The following TP53BP1 variants were observed in gnomAD, a reference collection of about 807,000 sequenced individuals.
TP53BP1 encodes tumor protein p53 binding protein 1.
TP53BP1 carries 61 observed loss-of-function variants against 200.8 expected under a neutral mutation model. That is an observed-to-expected ratio of 0.30 (90% CI 0.25 to 0.38). TP53BP1 has a LOEUF of 0.38. Ranked by LOEUF, TP53BP1 falls within the 10% of genes least tolerant of loss-of-function variation. TP53BP1 has a pLI of 1.00. For synonymous variants in TP53BP1, 822 were observed against 844.3 expected (o/e 0.97, Z 0.46); for missense variants, 2,144 against 2,371.9 (o/e 0.90, Z 2.00).
Position 43,427,489 on chromosome 15 carries a change from A to G in TP53BP1, c.3828+527T>C, listed in dbSNP as rs77511768. On this transcript the variant is annotated intron_variant, in intron 18 of 27. Transcript: ENST00000382044. The stretch of plus-strand genomic sequence containing the variant: ...AAAGGAAAGCATGATGGGATGCATT[A>G]AATAACTAACCAATGGTCAAACAGC... Among the ~76,000 whole-genome samples the G allele has an allele frequency of 7.2e-5, 11 of 152,372 alleles. No individual in the cohort carries two copies. In the East Asian group the frequency reaches 1.7e-3, roughly 24 times the overall value.
intron 15 of TP53BP1, among the ~76,000 whole-genome samples, chr15:43,439,221 G>A (rs2045872592): frequency 6.6e-6 from 1 of 152,104 alleles, no homozygotes; most frequent in African/African-American, 2.4e-5. Context: ...TTTGAACAGA[G>A]TACAGTTACA....
chr15:43,487,323 T>A (rs2079059888), intron 4 of TP53BP1, among the ~76,000 whole-genome samples: 1 of 98,352 alleles, frequency 1.0e-5, no homozygotes, highest in Non-Finnish European at 2.9e-5. Flanking sequence ...CAAATGCCAG[T>A]AAGGATGAAA....
At chr15:43,509,758 C>G (rs1363546835) in intron 1 of TP53BP1, among the ~76,000 whole-genome samples, 1 of 152,124 alleles carries the variant, frequency 6.6e-6, no homozygotes, top group African/African-American at 2.4e-5. Flanking sequence ...ACGTGGCTCA[C>G]AGGCAGCCTT....
Position 43,457,174 on chromosome 15 carries a change from A to G in TP53BP1, c.1434T>C (p.Asp478=). ...TATGCATATCTCCATCTTTCTTCCC[A>G]TCATTTGATTGTTCTTCCAGACTTG... The part of the protein sequence containing the change: ...PSPSLEEQSN[D]GKKDGDMHSS... Residue 478 remains aspartate (D), a synonymous_variant, in exon 12 of 28, where the codon GAT becomes GAC. Transcript: ENST00000382044. The G allele has an allele frequency of 6.2e-7, 1 of 1,612,644 alleles. No homozygotes were observed. Among genetic ancestry groups the G allele is most frequent in the Non-Finnish European group, 8.5e-7 (1 of 1,179,478 alleles).
intron 12 of TP53BP1, 90 bp from the exon 13 acceptor site, chr15:43,447,575 G>GC: frequency 1.7e-6 from 2 of 1,184,732 alleles, no homozygotes; most frequent in Non-Finnish European, 2.3e-6. Context: ...AATAAGAACT[G>GC]CAAGAAATAT....
chr15:43,443,573 T>C (rs2045976331), intron 14 of TP53BP1, among the ~76,000 whole-genome samples: 1 of 152,132 alleles, frequency 6.6e-6, no homozygotes, highest in Non-Finnish European at 1.5e-5. Context: ...GGCGTGCCTG[T>C]AGTCCCACCT....
In TP53BP1 at chr15:43,432,369, C is replaced by T. The variant is rs890601378; in HGVS notation, c.3500G>A (p.Arg1167Lys). The T allele has an allele frequency of 1.9e-6, 3 of 1,614,076 alleles. No individual in the cohort carries two copies. Among genetic ancestry groups the T allele is most frequent in the Non-Finnish European group, 2.5e-6 (3 of 1,180,028 alleles). ...IGIQTMECSL[R>K]VPETVSAATQ... ...TGCTGCTGAAACAGTTTCTGGGACC[C>T]TCAAGGAACACTCCATGGTTTGGAT... Residue 1167 changes from arginine to lysine, a missense_variant, in exon 17 of 28, where the codon AGG becomes AAG. Arg to Lys is a conservative substitution (Grantham distance 26). Transcript: ENST00000382044.
intron 24 of TP53BP1, chr15:43,412,572 A>G (rs1329471959): frequency 1.6e-5 from 7 of 425,760 alleles, no homozygotes; most frequent in East Asian, 7.1e-5. Flanking sequence ...AAAGAGAGGT[A>G]TAAGAGTTGA....
rs1013978726 is a variant in TP53BP1 at position 43,404,685 on chromosome 15, T to C, written c.*2698A>G. On this transcript the variant is annotated 3_prime_UTR_variant, in exon 28 of 28. Coordinates refer to ENST00000382044, the MANE Select transcript of TP53BP1 (RefSeq NM_001141980.3). ...TAAGTAAGGCTTAGAGATAGAGGTG[T>C]GACCATCTTTAATAATTTTAATGGA... 3.2e-6 allele frequency: 3 copies of C among 931,936 alleles called. No individual in the cohort carries two copies. The Admixed American group carries it at 8.1e-5, about 25-fold the overall frequency. 57.7% of individuals were successfully genotyped at this position (931,936 alleles called of 1,614,324 possible).
At chr15:43,438,759 C>T (rs992845078) in intron 15 of TP53BP1, among the ~76,000 whole-genome samples, 1 of 62,838 alleles carries the variant, frequency 1.6e-5, no homozygotes, top group Non-Finnish European at 2.6e-5. Context: ...AAAAAAAAGA[C>T]TGGAGGGGTA....
At chr15:43,476,546 C>A (rs2078885035) in intron 8 of TP53BP1, among the ~76,000 whole-genome samples, 1 of 152,218 alleles carries the variant, frequency 6.6e-6, no homozygotes, top group African/African-American at 2.4e-5. Flanking sequence ...TATGAAGAGT[C>A]TCTTGTTGGT....
intron 26 of TP53BP1, chr15:43,408,437 C>T (rs913368937): frequency 1.5e-5 from 4 of 272,002 alleles, no homozygotes; most frequent in Admixed American, 9.8e-5. Context: ...GTCGTCACTG[C>T]GCCACTGTAC....
At position 43,403,277 on chromosome 15, in the gene TP53BP1, G is replaced by A. The variant is rs2044733471; in HGVS notation, c.*4106C>T. On this transcript the variant is annotated 3_prime_UTR_variant, in exon 28 of 28. Transcript: ENST00000382044. ...GATAATAAAGAAGCAAGAAACGAGG[G>A]TTCACTAAAGGCTATAGTGGGGAAG... The A allele has an allele frequency of 6.2e-6, 1 of 160,032 alleles. No homozygotes were observed. The highest frequency in any genetic ancestry group is 1.4e-5 in the Non-Finnish European group (1 of 73,244). 9.9% of individuals were successfully genotyped at this position (160,032 alleles called of 1,614,324 possible).
intron 4 of TP53BP1, among the ~76,000 whole-genome samples, chr15:43,488,203 A>G (rs2079072532): frequency 6.6e-6 from 1 of 151,412 alleles, no homozygotes; most frequent in African/African-American, 2.4e-5. Context: ...CGAGGCTGAG[A>G]TGGGAGGATT....
chr15:43,493,112 C>G lies in TP53BP1; in HGVS notation c.-69G>C, dbSNP rs2079152838. 2 of 1,600,994 alleles carry G rather than the reference C, an allele frequency of 1.2e-6. No individual in the cohort carries two copies. The highest frequency in any genetic ancestry group is 1.7e-5 in the Admixed American group (1 of 58,492). ...GCTCCCCAAGTCCCTCCAGATCGAT[C>G]CCTAGGTCGCCGCTGTCGCCACCGC... On this transcript the variant is annotated 5_prime_UTR_variant, in exon 1 of 28. Transcript: ENST00000382044.
intron 23 of TP53BP1, chr15:43,413,914 T>C (rs144479342): frequency 2.9e-6 from 1 of 344,242 alleles, no homozygotes; most frequent in African/African-American, 2.2e-5. Context: ...TTTTTACACA[T>C]AGATGGTGCC....
intron 1 of TP53BP1, among the ~76,000 whole-genome samples, chr15:43,500,373 AAAT>A (rs2079203380): frequency 1.3e-5 from 2 of 152,230 alleles, no homozygotes; most frequent in South Asian, 4.1e-4. Flanking sequence ...AATTAGCAAC[AAAT>A]GCTCAATCTT....
chr15:43,412,148 A>G (rs1367747921), intron 24 of TP53BP1, among the ~76,000 whole-genome samples: 4 of 152,150 alleles, frequency 2.6e-5, no homozygotes, highest in African/African-American at 9.7e-5. Context: ...CTCCCAAACC[A>G]AAGCCTGCCC....
At position 43,462,505 on chromosome 15, in the gene TP53BP1, G is replaced by A. The variant is rs141518291; in HGVS notation, c.1390-5287C>T. On this transcript the variant is annotated intron_variant, in intron 11 of 27. Coordinates refer to ENST00000382044, the MANE Select transcript of TP53BP1 (RefSeq NM_001141980.3). ...TTTTTTTCTTTTGGTGGGTAGAGAC[G>A]GGGGCCTCACTATGTTGCCCAGGCT... Among the ~76,000 whole-genome samples, 874 of 151,736 alleles carry A rather than the reference G, an allele frequency of 5.8e-3. 4 individuals are homozygous for A. The highest frequency in any genetic ancestry group is 9.6e-3 in the Non-Finnish European group (652 of 67,920).
Sources: gnomAD v4.1 joint callset for allele counts (sites outside exome capture counted in the v4.1 genomes callset) on GRCh38, gnomAD v4.1.1 for gene constraint, MANE v1.5 for transcripts, NCBI Gene and HGNC (gene_info 2026-07-23, HGNC 2026-07-21) for gene names.